The following ABCA4 variants were observed in gnomAD, a reference collection of about 807,000 sequenced individuals.
ABCA4 encodes the protein retinal-specific phospholipid-transporting ATPase ABCA4.
In ABCA4, 196 loss-of-function variants were observed where a neutral mutation model predicts 263.7. The ratio of observed to expected loss-of-function variants is 0.74; its 90% CI spans 0.66 to 0.84. ABCA4 has a LOEUF of 0.84. Ranked by LOEUF, ABCA4 falls within the 40% of genes least tolerant of loss-of-function variation. The probability of loss-of-function intolerance (pLI) is 0.00; values close to 1 mark genes in which losing one functional copy is unlikely to be tolerated. For synonymous variants in ABCA4, 1,133 were observed against 1,094.2 expected (o/e 1.04, Z -0.70); for missense variants, 2,792 against 2,855.1 (o/e 0.98, Z 0.50).
intron 18 of ABCA4, 53 bp from the exon 19 acceptor site, chr1:94,047,146 C>T (rs1660709620): frequency 1.3e-6 from 2 of 1,598,528 alleles, no homozygotes; most frequent in Non-Finnish European, 1.7e-6. Context: ...ATTACATGGC[C>T]CCAGGGCTCT....
chr1:94,040,249 AT>A (rs1436827015), intron 23 of ABCA4, 122 bp from the exon 24 acceptor site: 7 of 801,674 alleles, frequency 8.7e-6, no homozygotes, highest in South Asian at 4.4e-5. Flanking sequence ...TAGTCAACAC[AT>A]TTTTTTCTTC....
intron 33 of ABCA4, 56 bp downstream of exon 33, chr1:94,021,790 T>C: frequency 6.2e-7 from 1 of 1,605,984 alleles, no homozygotes; most frequent in Non-Finnish European, 8.5e-7. Flanking sequence ...AGTTTCTCAT[T>C]CATGGTAGTT....
In ABCA4 at chr1:94,104,410, C is replaced by T. The variant is rs116146611; in HGVS notation, c.443-1268G>A. The stretch of plus-strand genomic sequence containing the variant: ...TTCCTGGTCCCAATTCCACGGCATC[C>T]CATCCTCTTCCTCTCCAAATTCTCC... On this transcript the variant is annotated intron_variant, in intron 4 of 49. Transcript: ENST00000370225. Among the ~76,000 whole-genome samples the T allele has an allele frequency of 6.7e-3, 1,026 of 152,316 alleles. 6 individuals are homozygous for T. The highest frequency in any genetic ancestry group is 0.022 in the South Asian group (104 of 4,828).
rs552276796 is a variant in ABCA4 at position 94,082,608 on chromosome 1, T to C, written c.858+744A>G. On this transcript the variant is annotated intron_variant, in intron 7 of 49. Transcript: ENST00000370225. ...AAGACAGATTCCAACCATGCAGTTT[T>C]CCAGGTTGGTGGAGCCCAAGTCAGC... Among the ~76,000 whole-genome samples the C allele has an allele frequency of 5.3e-5, 8 of 152,314 alleles. No individual in the cohort carries two copies. The South Asian group carries it at 1.5e-3, about 28-fold the overall frequency.
intron 6 of ABCA4, among the ~76,000 whole-genome samples, chr1:94,090,483 C>T (rs927001078): frequency 6.6e-6 from 1 of 152,106 alleles, no homozygotes; most frequent in Non-Finnish European, 1.5e-5. Context: ...CCCTGTCTCA[C>T]CCCATTCTCA....
At chr1:94,056,919 T>G in intron 14 of ABCA4, 97 bp from the exon 15 acceptor site, 1 of 1,019,004 alleles carries the variant, frequency 9.8e-7, no homozygotes, top group Non-Finnish European at 1.5e-6. Flanking sequence ...CTGCAGTTAG[T>G]GTCTAAATTT....
intron 49 of ABCA4, among the ~76,000 whole-genome samples, 184 bp downstream of exon 49, chr1:93,995,925 A>G (rs1247571046): frequency 4.6e-5 from 7 of 152,204 alleles, no homozygotes; most frequent in Admixed American, 4.6e-4. Flanking sequence ...CAGAACACAC[A>G]GTGGCAGGGA....
At position 94,051,678 on chromosome 1, in the gene ABCA4, G is replaced by A. The variant is rs867875828; in HGVS notation, c.2608C>T (p.Pro870Ser). ...VFPGDYGTPLPWYFLLQESYW... is the reference protein window; with the variant it reads ...VFPGDYGTPLSWYFLLQESYW... The stretch of plus-strand genomic sequence containing the variant: ...GACTCTTGTAGAAGAAAGTACCAAG[G>A]AAGTGGGGTTCCATAGTCTCCTAAA... Residue 870 changes from proline (P) to serine (S), a missense_variant, in exon 17 of 50, where the codon CCT becomes TCT. Pro to Ser is a moderately conservative substitution (Grantham distance 74). Transcript: ENST00000370225. 6.2e-7 allele frequency: 1 copy of A among 1,613,916 alleles called. No individual in the cohort carries two copies. Among genetic ancestry groups the A allele is most frequent in the African/African-American group, 1.3e-5 (1 of 74,932 alleles).
At chr1:94,083,691 C>G (rs1473654810) in intron 6 of ABCA4, among the ~76,000 whole-genome samples, 1 of 152,178 alleles carries the variant, frequency 6.6e-6, no homozygotes, top group Non-Finnish European at 1.5e-5. Flanking sequence ...ATATTAAATA[C>G]TATCACTATT....
chr1:94,019,485 T>G, intron 36 of ABCA4, 97 bp downstream of exon 36: 94 of 1,394,838 alleles, frequency 6.7e-5, no homozygotes, highest in Non-Finnish European at 8.6e-5. Context: ...CCTGGCACCG[T>G]GAGAACCCCT....
chr1:94,099,650 A>G (rs1352476117), intron 5 of ABCA4, among the ~76,000 whole-genome samples: 2 of 152,252 alleles, frequency 1.3e-5, no homozygotes, highest in Non-Finnish European at 2.9e-5. Flanking sequence ...AGCAAACAAA[A>G]GCACCAGATG....
intron 7 of ABCA4, among the ~76,000 whole-genome samples, chr1:94,082,550 G>T (rs1570409732): frequency 6.6e-6 from 1 of 152,280 alleles, no homozygotes; most frequent in South Asian, 2.1e-4. Context: ...ACATCAGTGT[G>T]CATACTCGGC....
chr1:94,067,439 A>T (rs1661299569), intron 11 of ABCA4, among the ~76,000 whole-genome samples: 1 of 152,184 alleles, frequency 6.6e-6, no homozygotes, highest in South Asian at 2.1e-4. Flanking sequence ...TTCCTGATGC[A>T]TCCCCCTACA....
chr1:94,120,891 C>T (rs1662929140), intron 1 of ABCA4, 89 bp downstream of exon 1: 11 of 584,996 alleles, frequency 1.9e-5, no homozygotes, highest in Non-Finnish European at 2.8e-5. Flanking sequence ...CACCCTGCCC[C>T]ACCACCCTAC....
At chr1:94,056,243 T>A (rs916106717) in intron 15 of ABCA4, among the ~76,000 whole-genome samples, 1 of 152,210 alleles carries the variant, frequency 6.6e-6, no homozygotes, top group Non-Finnish European at 1.5e-5. Flanking sequence ...AGACAGATAG[T>A]AAAGTGGCAA....
At position 94,056,670 on chromosome 1, in the gene ABCA4, G is replaced by A. The variant is rs1190148686; in HGVS notation, c.2313C>T (p.Thr771=). ...AGCACAGGATGTGTGGCAGGTAGAGGGTGAAATAGATGACACCACTACAGG... is the reference window on the plus strand; with the variant it reads ...AGCACAGGATGTGTGGCAGGTAGAGAGTGAAATAGATGACACCACTACAGG... ...AAACSGVIYF[T]LYLPHILCFA... The change falls in exon 15 of 50, where the codon ACC becomes ACT. Residue 771 remains threonine (T), a synonymous_variant. Transcript: ENST00000370225. 1.9e-6 allele frequency: 3 copies of A among 1,614,082 alleles called. No homozygotes were observed. The highest frequency in any genetic ancestry group is 1.1e-5 in the South Asian group (1 of 91,068).
intron 11 of ABCA4, among the ~76,000 whole-genome samples, chr1:94,075,764 G>A (rs139326298): frequency 1.3e-5 from 2 of 152,210 alleles, no homozygotes; most frequent in Non-Finnish European, 2.9e-5. Context: ...GGCAAGAGTG[G>A]TCCACCCTTA....
At chr1:94,007,854 A>G in intron 42 of ABCA4, 114 bp from the exon 43 acceptor site, 1 of 941,664 alleles carries the variant, frequency 1.1e-6, no homozygotes, top group Non-Finnish European at 1.7e-6. Flanking sequence ...CTGGGCTGCC[A>G]TCAGAGGCCA....
chr1:94,031,890 C>T lies in ABCA4; in HGVS notation c.4016G>A (p.Cys1339Tyr), dbSNP rs771461979. The T allele has an allele frequency of 1.6e-5, 26 of 1,614,076 alleles. No individual in the cohort carries two copies. In the South Asian group the frequency reaches 2.9e-4, roughly 18 times the overall value. Reference sequence around the variant, plus strand: ...CCCCGTGTTGAGCTGCGGGCCTGGGCACTCTGGCTCTGGGGGAGGCTGGCC... The same window carrying T: ...CCCCGTGTTGAGCTGCGGGCCTGGGTACTCTGGCTCTGGGGGAGGCTGGCC... ...PEGQPPPEPE[C>Y]PGPQLNTGTQ... The change falls in exon 27 of 50, where the codon TGC (cysteine) becomes TAC (tyrosine). Residue 1339 changes from cysteine to tyrosine, a missense_variant. Physicochemically the swap from Cys to Tyr is radical, Grantham distance 194. Coordinates refer to ENST00000370225, the MANE Select transcript of ABCA4 (RefSeq NM_000350.3).
Sources: allele counts gnomAD v4.1 joint callset (sites outside exome capture counted in the v4.1 genomes callset), GRCh38; gene constraint gnomAD v4.1.1; transcripts MANE v1.5; gene names NCBI Gene and HGNC (gene_info 2026-07-23, HGNC 2026-07-21).